Variants in ERGIC1 observed in about 807,000 individuals in gnomAD.
The protein encoded by ERGIC1 is endoplasmic reticulum-Golgi intermediate compartment protein 1.
A neutral mutation model predicts 38.3 loss-of-function variants in ERGIC1; 19 were observed. The ratio of observed to expected loss-of-function variants is 0.50; its 90% CI spans 0.35 to 0.73. ERGIC1 has a LOEUF of 0.73. Ranked by LOEUF, ERGIC1 falls within the 30% of genes least tolerant of loss-of-function variation. ERGIC1 has a pLI of 0.01. For missense variants in ERGIC1, 294 were observed against 389.2 expected (o/e 0.76, Z 2.06); for synonymous variants, 124 against 157.6 (o/e 0.79, Z 1.60).
intron 1 of ERGIC1, among the ~76,000 whole-genome samples, chr5:172,861,802 T>A (rs793015): frequency 0.95 from 144,032 of 152,092 alleles, 68,528 homozygotes; most frequent in East Asian, 1. Context: ...TCAGGGTGAT[T>A]GGTGGGGCAG....
At chr5:172,899,982 C>T (rs574863802) in intron 3 of ERGIC1, among the ~76,000 whole-genome samples, 13 of 152,286 alleles carry the variant, frequency 8.5e-5, no homozygotes, top group Admixed American at 3.9e-4. Context: ...GTTTTAAGGC[C>T]GCTCCGCACC....
chr5:172,915,113 G>A, intron 5 of ERGIC1: 1 of 696,698 alleles, frequency 1.4e-6, no homozygotes, highest in Middle Eastern at 2.3e-4. Flanking sequence ...AGGATTTGCA[G>A]CCCCCAGCCC....
At chr5:172,914,254 A>AAAT (rs1554112479) in intron 4 of ERGIC1, among the ~76,000 whole-genome samples, 1 of 131,240 alleles carries the variant, frequency 7.6e-6, no homozygotes, top group Non-Finnish European at 1.6e-5. Context: ...AAAAAAAAAA[A>AAAT]AAATACAAAG....
intron 3 of ERGIC1, chr5:172,898,182 C>T: frequency 3.3e-6 from 1 of 304,366 alleles, no homozygotes. Context: ...TCTTGGTTTC[C>T]TTTGCCTCCA....
chr5:172,895,271 C>T (rs493843), intron 2 of ERGIC1, among the ~76,000 whole-genome samples: 83,257 of 152,008 alleles, frequency 0.55, 22,968 homozygotes, highest in African/African-American at 0.6. Context: ...CCTTGTGTTG[C>T]TGAGATCCTC....
At chr5:172,893,905 A>ATATATATATATGTGTGTGTGTG (rs1173039695) in intron 2 of ERGIC1, among the ~76,000 whole-genome samples, 6 of 15,534 alleles carry the variant, frequency 3.9e-4, no homozygotes, top group Non-Finnish European at 8.5e-4. Flanking sequence ...ATATATATAT[A>ATATATATATATGTGTGTGTGTG]TGTGTGTGTG....
chr5:172,846,297 T>G lies in ERGIC1; in HGVS notation c.20+11864T>G, dbSNP rs1387947649. On this transcript the variant is annotated intron_variant, in intron 1 of 9. Transcript: ENST00000393784. This position sits in a 1 kb window ranked among gnomAD's most constrained non-coding sequence, Gnocchi z 4.0. The stretch of plus-strand genomic sequence containing the variant: ...AATCCCTTGTGTGATGCTACGTGAC[T>G]TAACAGCGCCTCTTTCTGCGCTGTC... 1.3e-5 allele frequency among the ~76,000 whole-genome samples: 2 copies of G among 152,194 alleles called. No homozygotes were observed. The highest frequency in any genetic ancestry group is 1.5e-5 in the Non-Finnish European group (1 of 68,026).
intron 1 of ERGIC1, among the ~76,000 whole-genome samples, chr5:172,885,344 G>C (rs1363826347): frequency 6.6e-6 from 1 of 151,514 alleles, no homozygotes; most frequent in Non-Finnish European, 1.5e-5. Context: ...ATGCTGCCCA[G>C]GCTGGTCGCA....
At chr5:172,920,395 G>T (rs762009516) in intron 5 of ERGIC1, 4 of 717,962 alleles carry the variant, frequency 5.6e-6, no homozygotes, top group South Asian at 4.4e-5. Flanking sequence ...GTCAGAGTTT[G>T]CGTGTTTTGA....
chr5:172,840,304 G>T (rs923709165), intron 1 of ERGIC1, among the ~76,000 whole-genome samples: 5 of 152,214 alleles, frequency 3.3e-5, no homozygotes, highest in Admixed American at 6.5e-5. Flanking sequence ...TTAGCCAGCT[G>T]TGTCCTGGTT....
chr5:172,871,826 A>G (rs1581529223), intron 1 of ERGIC1, among the ~76,000 whole-genome samples: 1 of 152,224 alleles, frequency 6.6e-6, no homozygotes, highest in Non-Finnish European at 1.5e-5. Flanking sequence ...ACAGGCCCTG[A>G]CTGTGTCTTT....
intron 2 of ERGIC1, among the ~76,000 whole-genome samples, chr5:172,893,899 A>ATGTGTGTGTGTGTG (rs1156930879): frequency 7.7e-5 from 1 of 13,040 alleles, no homozygotes; most frequent in Non-Finnish European, 3.3e-4. Flanking sequence ...ATATATATAT[A>ATGTGTGTGTGTGTG]TATATATGTG....
intron 1 of ERGIC1, among the ~76,000 whole-genome samples, chr5:172,839,592 CACAT>C (rs1761110580): frequency 6.6e-6 from 1 of 151,336 alleles, no homozygotes; most frequent in Admixed American, 6.6e-5. Flanking sequence ...CACACACACA[CACAT>C]ACACACACAT....
intron 6 of ERGIC1, among the ~76,000 whole-genome samples, chr5:172,925,095 G>A (rs763821269): frequency 1.3e-5 from 2 of 151,976 alleles, no homozygotes; most frequent in African/African-American, 2.4e-5. Flanking sequence ...AAAATTAGCC[G>A]GGCGTGGTGG....
intron 4 of ERGIC1, among the ~76,000 whole-genome samples, chr5:172,911,458 C>T (rs1299010681): frequency 6.6e-6 from 1 of 152,170 alleles, no homozygotes; most frequent in African/African-American, 2.4e-5. Flanking sequence ...CAACCTCCAC[C>T]CCATTCCCTG....
intron 1 of ERGIC1, among the ~76,000 whole-genome samples, chr5:172,888,489 G>T (rs1271822689): frequency 2.6e-5 from 4 of 151,992 alleles, no homozygotes; most frequent in Non-Finnish European, 5.9e-5. Flanking sequence ...ATGAAGAAGA[G>T]ATGACAAGGG....
intron 7 of ERGIC1, among the ~76,000 whole-genome samples, chr5:172,928,015 C>T (rs922170226): frequency 1.3e-5 from 2 of 152,120 alleles, no homozygotes; most frequent in East Asian, 1.9e-4. Context: ...GGCAGCACCT[C>T]CTTATTTGAG....
At chr5:172,898,091 C>G (rs1762770126) in intron 3 of ERGIC1, 1 of 391,522 alleles carries the variant, frequency 2.6e-6, no homozygotes, top group Non-Finnish European at 4.5e-6. Context: ...TGTTTACAGC[C>G]CGGAAAGTCA....
rs143673213 is a variant in ERGIC1 at position 172,882,345 on chromosome 5, A to G, written c.21-6354A>G. On this transcript the variant is annotated intron_variant, in intron 1 of 9. Coordinates refer to ENST00000393784, the MANE Select transcript of ERGIC1 (RefSeq NM_001031711.3). ...CAAATGGCTGTTGAATGAATTAATG[A>G]ATTTTGAACTGGTCCCTGTCTTCCA... is the stretch of plus-strand genomic sequence containing the variant. Among the ~76,000 whole-genome samples, 9 of 152,274 alleles carry G rather than the reference A, an allele frequency of 5.9e-5. No individual in the cohort carries two copies. In the East Asian group the frequency reaches 1.7e-3, roughly 29 times the overall value.
Sources: allele counts gnomAD v4.1 joint callset (sites outside exome capture counted in the v4.1 genomes callset), GRCh38; gene constraint gnomAD v4.1.1; non-coding constraint Gnocchi (gnomAD v3.1); transcripts MANE v1.5; gene names NCBI Gene and HGNC (gene_info 2026-07-23, HGNC 2026-07-21).